ERRFI1: variants seen among roughly 807,000 people sequenced by gnomAD.
The protein encoded by ERRFI1 is ERBB receptor feedback inhibitor 1, also known as mitogen-inducible gene 6 protein.
Under a neutral mutation model 14.6 loss-of-function variants are expected in ERRFI1, and 12 were observed. That is an observed-to-expected ratio of 0.82 (90% confidence interval 0.53 to 1.33). The LOEUF is 1.33. ERRFI1 is among the 40% of genes most tolerant of loss of function. ERRFI1 has a pLI of 0.00. For missense variants in ERRFI1, 482 were observed against 572.1 expected (o/e 0.84, Z 1.61); for synonymous variants, 202 against 209.9 (o/e 0.96, Z 0.32).
intron 1 of ERRFI1, among the ~76,000 whole-genome samples, chr1:8,017,034 TAGTAGGTGCTC>T (rs1641185110): frequency 6.6e-6 from 1 of 152,092 alleles, no homozygotes; most frequent in Non-Finnish European, 1.5e-5. Flanking sequence ...CCTGGAACAT[TAGTAGGTGCTC>T]AGTAAGTGAA....
chr1:8,015,693 C>T lies in ERRFI1; in HGVS notation c.-73-1G>A, dbSNP rs75953552. On this transcript the variant is annotated splice_acceptor_variant, in intron 1 of 3. Coordinates refer to ENST00000377482, the MANE Select transcript of ERRFI1 (RefSeq NM_018948.4). LOFTEE classifies it low-confidence loss of function (5UTR_SPLICE). ...AAAATCAACCAGTAGCTTTCATTCC[C>T]TGGGAGGTAGAAGAGATGAGAGAAT... is the stretch of plus-strand genomic sequence containing the variant. The T allele has an allele frequency of 3.7e-3, 5,873 of 1,586,034 alleles. 177 individuals carry two copies. The African/African-American group carries it at 0.067, about 18-fold the overall frequency.
chr1:8,014,514 C>T, intron 3 of ERRFI1, 118 bp from the exon 4 acceptor site: 1 of 953,776 alleles, frequency 1.0e-6, no homozygotes, highest in Non-Finnish European at 1.5e-6. Context: ...AAACACTTGA[C>T]TGCTGTCACC....
chr1:8,025,977 G>A (rs1315408358), intron 1 of ERRFI1, among the ~76,000 whole-genome samples, 181 bp downstream of exon 1: 1 of 151,768 alleles, frequency 6.6e-6, no homozygotes, highest in Non-Finnish European at 1.5e-5. Flanking sequence ...GCCCGCGAGC[G>A]ACCGGCCGGC....
chr1:8,023,123 G>T (rs1641296036), intron 1 of ERRFI1, among the ~76,000 whole-genome samples: 1 of 152,186 alleles, frequency 6.6e-6, no homozygotes, highest in Admixed American at 6.5e-5. Flanking sequence ...CAATTCTACT[G>T]AGCGAATAGT....
chr1:8,015,158 T>C lies in ERRFI1; in HGVS notation c.202+150A>G, dbSNP rs1027119238. The C allele has an allele frequency of 2.3e-5, 15 of 658,126 alleles. No individual in the cohort carries two copies. In the African/African-American group the frequency reaches 2.4e-4, roughly 10 times the overall value. 40.8% of individuals were successfully genotyped at this position (658,126 alleles called of 1,614,324 possible). On this transcript the variant is annotated intron_variant, in intron 3 of 3. Coordinates refer to ENST00000377482, the MANE Select transcript of ERRFI1 (RefSeq NM_018948.4). Reference sequence around the variant, plus strand: ...CAATAGCTTGAGAAAAACACAGTTATCTTCTGAATCTGTTGCCACTAGGGG... The same window carrying C: ...CAATAGCTTGAGAAAAACACAGTTACCTTCTGAATCTGTTGCCACTAGGGG...
At chr1:8,024,726 G>C (rs1569602237) in intron 1 of ERRFI1, among the ~76,000 whole-genome samples, 3 of 152,100 alleles carry the variant, frequency 2.0e-5, no homozygotes, top group Non-Finnish European at 2.9e-5. Context: ...CTTCAAACTT[G>C]CTAATATCTG....
Position 8,013,922 on chromosome 1 carries a change from G to A in ERRFI1, c.677C>T (p.Ser226Phe). 1 of 1,614,142 alleles carries A rather than the reference G, an allele frequency of 6.2e-7. No individual in the cohort carries two copies. Among genetic ancestry groups the A allele is most frequent in the South Asian group, 1.1e-5 (1 of 91,052 alleles). ...AVSAADLSYV[S>F]DQNGGVPDPN... The stretch of plus-strand genomic sequence containing the variant: ...ATCTGGGACACCTCCATTTTGGTCA[G>A]ACACATAGCTGAGATCTGCTGCAGA... The change falls in exon 4 of 4, where the codon TCT (serine) becomes TTT (phenylalanine). Residue 226 changes from serine (S) to phenylalanine (F), a missense_variant. Ser to Phe is a radical substitution (Grantham distance 155). Coordinates refer to ENST00000377482, the MANE Select transcript of ERRFI1 (RefSeq NM_018948.4). This position sits in a 1 kb window ranked among gnomAD's most constrained non-coding sequence, Gnocchi z 4.3.
chr1:8,024,384 T>TA (rs1271755003), intron 1 of ERRFI1, among the ~76,000 whole-genome samples: 1 of 152,136 alleles, frequency 6.6e-6, no homozygotes, highest in Non-Finnish European at 1.5e-5. Flanking sequence ...ATAACAGCCA[T>TA]AAAAAAATTA....
At chr1:8,019,791 G>A (rs1641250544) in intron 1 of ERRFI1, among the ~76,000 whole-genome samples, 1 of 152,194 alleles carries the variant, frequency 6.6e-6, no homozygotes, top group Admixed American at 6.5e-5. Context: ...AAAGAAGACA[G>A]TTTGTAGACT....
chr1:8,013,988 C>T lies in ERRFI1; in HGVS notation c.611G>A (p.Cys204Tyr), dbSNP rs2124059374. ...DVPGRRSFRG[C>Y]GQINYAYFDT... ...AAAATATGCATAGTTGATTTGTCCA[C>T]ACCCACGGAAGCTTCGCCTGCCAGG... Residue 204 changes from cysteine to tyrosine, a missense_variant, in exon 4 of 4, where the codon TGT becomes TAT. Transcript: ENST00000377482. This position sits in a 1 kb window ranked among gnomAD's most constrained non-coding sequence, Gnocchi z 4.3. 1.2e-6 allele frequency: 2 copies of T among 1,614,230 alleles called. No individual in the cohort carries two copies. The highest frequency in any genetic ancestry group is 1.7e-6 in the Non-Finnish European group (2 of 1,180,042).
rs2124060709 is a variant in ERRFI1, at chr1:8,014,111, G to C, written c.488C>G (p.Ser163Cys). ...CACCTCACAGTCTGTGTCATCCAGA[G>C]AGAGGGCTTCAGAGATTGGCAACGG... is the stretch of plus-strand genomic sequence containing the variant. ...LPPLPISEAL[S>C]LDDTDCEVEF... The change falls in exon 4 of 4, where the codon TCT becomes TGT. Residue 163 changes from serine (S) to cysteine (C), a missense_variant. Physicochemically the swap from Ser to Cys is moderately radical, Grantham distance 112 (BLOSUM62 -1). Coordinates refer to ENST00000377482, the MANE Select transcript of ERRFI1 (RefSeq NM_018948.4). 6.2e-7 allele frequency: 1 copy of C among 1,614,182 alleles called. No individual in the cohort carries two copies. The highest frequency in any genetic ancestry group is 8.5e-7 in the Non-Finnish European group (1 of 1,180,034).
chr1:8,023,202 T>C (rs1641297275), intron 1 of ERRFI1, among the ~76,000 whole-genome samples: 1 of 152,226 alleles, frequency 6.6e-6, no homozygotes, highest in Admixed American at 6.5e-5. Flanking sequence ...TTTTGGATAA[T>C]GTCTTCCAAT....
At chr1:8,025,327 TATAA>T (rs1407774297) in intron 1 of ERRFI1, among the ~76,000 whole-genome samples, 2 of 152,220 alleles carry the variant, frequency 1.3e-5, no homozygotes, top group Non-Finnish European at 2.9e-5. Context: ...ATGATATACA[TATAA>T]ATACACACAC....
chr1:8,022,935 A>C (rs149441174), intron 1 of ERRFI1, among the ~76,000 whole-genome samples: 2 of 152,320 alleles, frequency 1.3e-5, no homozygotes, highest in African/African-American at 4.8e-5. Flanking sequence ...CCAAGCAAGC[A>C]AACAATTTTA....
In ERRFI1 at chr1:8,013,526, T is replaced by A. The variant is rs1162379349; in HGVS notation, c.1073A>T (p.Tyr358Phe). 6.2e-7 allele frequency: 1 copy of A among 1,614,122 alleles called. No homozygotes were observed. Among genetic ancestry groups the A allele is most frequent in the Non-Finnish European group, 8.5e-7 (1 of 1,180,036 alleles). ...PTQSFAPDPK[Y>F]VSSKALQRQN... is the part of the protein sequence containing the mutation. ...TCTTTGCAGTGCTTTGCTGCTGACA[T>A]ACTTGGGATCAGGGGCAAAGCTCTG... The change falls in exon 4 of 4, where the codon TAT becomes TTT. Residue 358 changes from tyrosine (Y) to phenylalanine (F), a missense_variant. By Grantham distance (22) the Tyr-to-Phe change is conservative. Coordinates refer to ENST00000377482, the MANE Select transcript of ERRFI1 (RefSeq NM_018948.4). The surrounding 1 kb of genome is among the most constrained non-coding windows in gnomAD (Gnocchi z 4.3).
intron 1 of ERRFI1, among the ~76,000 whole-genome samples, chr1:8,020,462 T>A (rs1183241170): frequency 6.6e-6 from 1 of 152,006 alleles, no homozygotes; most frequent in Non-Finnish European, 1.5e-5. Flanking sequence ...CCTCCCCAAA[T>A]ATACCAATCT....
chr1:8,026,004 G>A (rs1183437445), intron 1 of ERRFI1, among the ~76,000 whole-genome samples, 154 bp downstream of exon 1: 1 of 151,772 alleles, frequency 6.6e-6, no homozygotes, highest in Non-Finnish European at 1.5e-5. Context: ...CTCCATCCCA[G>A]AGACTCCGCG....
rs770219927 is a variant in ERRFI1, at chr1:8,014,340, A to G, written c.259T>C (p.Ser87Pro). Residue 87 changes from serine (S) to proline (P), a missense_variant, in exon 4 of 4, where the codon TCT becomes CCT. Physicochemically the swap from Ser to Pro is moderately conservative, Grantham distance 74 (BLOSUM62 -1). Transcript: ENST00000377482. ...NGHCFAENGPSQKSSLPPLLI... is the reference protein window; with the variant it reads ...NGHCFAENGPPQKSSLPPLLI... ...AGAGGGGGCAAGCTGGACTTTTGAGATGGACCATTTTCTGCAAAGCAGTGG... is the reference window on the plus strand; with the variant it reads ...AGAGGGGGCAAGCTGGACTTTTGAGGTGGACCATTTTCTGCAAAGCAGTGG... 3.7e-6 allele frequency: 6 copies of G among 1,610,290 alleles called. No homozygotes were observed. In the African/African-American group the frequency reaches 6.7e-5, roughly 18 times the overall value.
In ERRFI1 at chr1:8,013,582, C is replaced by T. The variant is rs767875206; in HGVS notation, c.1017G>A (p.Pro339=). ...NSRTPSPKSL[P]SYLNGVMPPT... is the part of the protein sequence containing the mutation. ...GGGGCATGACCCCATTGAGGTAAGA[C>T]GGAAGGCTTTTGGGACTCGGTGTGC... Residue 339 remains proline, a synonymous_variant, in exon 4 of 4, where the codon CCG becomes CCA. Transcript: ENST00000377482. The surrounding 1 kb of genome is among the most constrained non-coding windows in gnomAD (Gnocchi z 4.3). 51 of 1,613,984 alleles carry T rather than the reference C, an allele frequency of 3.2e-5. No homozygotes were observed. Among genetic ancestry groups the T allele is most frequent in the Admixed American group, 5.0e-5 (3 of 59,984 alleles).
Sources: allele counts gnomAD v4.1 joint callset (sites outside exome capture counted in the v4.1 genomes callset), GRCh38; gene constraint gnomAD v4.1.1; non-coding constraint Gnocchi (gnomAD v3.1); transcripts MANE v1.5; gene names NCBI Gene and HGNC (gene_info 2026-07-23, HGNC 2026-07-21).